The following ZFYVE9 variants were observed in gnomAD, a reference collection of about 807,000 sequenced individuals.
ZFYVE9 encodes zinc finger FYVE domain-containing protein 9.
ZFYVE9 carries 43 observed loss-of-function variants against 126.7 expected under a neutral mutation model. The ratio of observed to expected loss-of-function variants is 0.34; its 90% CI spans 0.27 to 0.44. The LOEUF (loss-of-function observed/expected upper bound fraction) is 0.44. Ranked by LOEUF, ZFYVE9 falls within the 20% of genes least tolerant of loss-of-function variation. The pLI, the probability that ZFYVE9 is intolerant of heterozygous loss-of-function variation, is 1.00. For missense variants in ZFYVE9, 1,476 were observed against 1,697.0 expected (o/e 0.87, Z 2.29); for synonymous variants, 521 against 597.4 (o/e 0.87, Z 1.87).
At chr1:52,270,156 G>A (rs1645675135) in intron 7 of ZFYVE9, among the ~76,000 whole-genome samples, 1 of 152,036 alleles carries the variant, frequency 6.6e-6, no homozygotes, top group African/African-American at 2.4e-5. Flanking sequence ...CCTAAGAAAA[G>A]TCATTTTCTT....
At chr1:52,216,084 T>A (rs1039628056) in intron 1 of ZFYVE9, among the ~76,000 whole-genome samples, 1 of 152,174 alleles carries the variant, frequency 6.6e-6, no homozygotes, top group East Asian at 1.9e-4. Flanking sequence ...TTAAAGTCAT[T>A]GGGTAGAAAG....
chr1:52,245,224 G>A (rs538217522), intron 4 of ZFYVE9, among the ~76,000 whole-genome samples: 4 of 151,256 alleles, frequency 2.6e-5, no homozygotes, highest in Admixed American at 2.0e-4. Flanking sequence ...TTTACTTATT[G>A]CTTGGTATTC....
chr1:52,181,218 G>A (rs1300780211), intron 1 of ZFYVE9, among the ~76,000 whole-genome samples: 1 of 152,166 alleles, frequency 6.6e-6, no homozygotes, highest in Non-Finnish European at 1.5e-5. Context: ...GAGTGCCTGC[G>A]ATTGCAGGCG....
chr1:52,219,398 G>A (rs757551958), intron 2 of ZFYVE9, among the ~76,000 whole-genome samples: 218 of 151,950 alleles, frequency 1.4e-3, no homozygotes, highest in Non-Finnish European at 2.2e-3. Flanking sequence ...CAATGGTTGC[G>A]GCCCCTTTTA....
intron 12 of ZFYVE9, among the ~76,000 whole-genome samples, chr1:52,296,577 T>C (rs796467038): frequency 3.3e-5 from 5 of 152,288 alleles, no homozygotes; most frequent in African/African-American, 1.2e-4. Context: ...TTGGTTGGCT[T>C]GAGTCCACTA....
Position 52,238,075 on chromosome 1 carries a change from A to C in ZFYVE9, c.658A>C (p.Lys220Gln). ...EKQMDPLNRP[K>Q]TEGRSVNHLC... ...ACAAATGGATCCATTGAATAGACCG[A>C]AAACAGAGGGGAGATCTGTTAACCA... The change falls in exon 4 of 19, where the codon AAA (lysine) becomes CAA (glutamine). Residue 220 changes from lysine to glutamine, a missense_variant. This residue lies in a region of ZFYVE9 where 807 missense variants were observed against 794.6 expected (regional missense o/e 1.02). Transcript: ENST00000287727. 2 of 1,614,082 alleles carry C rather than the reference A, an allele frequency of 1.2e-6. No individual in the cohort carries two copies. The highest frequency in any genetic ancestry group is 2.2e-5 in the South Asian group (2 of 91,084).
intron 2 of ZFYVE9, among the ~76,000 whole-genome samples, chr1:52,232,797 T>C (rs1234541017): frequency 6.7e-6 from 1 of 149,772 alleles, no homozygotes; most frequent in Non-Finnish European, 1.5e-5. Flanking sequence ...TTGGAACTAG[T>C]ATCCGTTACT....
At chr1:52,246,830 C>CA (rs1228139648) in intron 4 of ZFYVE9, among the ~76,000 whole-genome samples, 1 of 151,544 alleles carries the variant, frequency 6.6e-6, no homozygotes, top group Non-Finnish European at 1.5e-5. Flanking sequence ...GCCTCAGCCT[C>CA]CTAAGTAGCA....
intron 3 of ZFYVE9, 62 bp from the exon 4 acceptor site, chr1:52,237,426 C>A: frequency 1.5e-6 from 2 of 1,371,068 alleles, no homozygotes; most frequent in Non-Finnish European, 9.9e-7. Flanking sequence ...ATGTTATTAA[C>A]TTAGTCATAA....
chr1:52,161,691 C>G (rs1644461347), intron 1 of ZFYVE9, among the ~76,000 whole-genome samples: 1 of 152,108 alleles, frequency 6.6e-6, no homozygotes, highest in Admixed American at 6.6e-5. Context: ...AAATTCCATT[C>G]TTCAAAAGAA....
chr1:52,225,047 A>G (rs1387529603), intron 2 of ZFYVE9, among the ~76,000 whole-genome samples: 1 of 152,146 alleles, frequency 6.6e-6, no homozygotes, highest in Non-Finnish European at 1.5e-5. Flanking sequence ...TCCGGACTCC[A>G]CACTCGCTTC....
At chr1:52,203,339 C>T (rs190163607) in intron 1 of ZFYVE9, among the ~76,000 whole-genome samples, 15 of 151,846 alleles carry the variant, frequency 9.9e-5, no homozygotes, top group East Asian at 3.9e-4. Context: ...GCGCCACTAC[C>T]GTCCGGCTAA....
chr1:52,316,177 A>G lies in ZFYVE9; in HGVS notation c.3438+12252A>G, dbSNP rs562343673. 2.1e-3 allele frequency among the ~76,000 whole-genome samples: 307 copies of G among 148,698 alleles called. 5 individuals carry two copies. Among genetic ancestry groups the G allele is most frequent in the African/African-American group, 7.3e-3 (299 of 40,696 alleles). The stretch of plus-strand genomic sequence containing the variant: ...TGAAACTCCATCTCAAAAAAAAAAA[A>G]AAAAAAAAAAAAAGAAAAGAAACCA... On this transcript the variant is annotated intron_variant, in intron 13 of 18. Transcript: ENST00000287727.
At chr1:52,281,621 T>C (rs1176554436) in intron 9 of ZFYVE9, 40 bp from the exon 10 acceptor site, 4 of 1,607,144 alleles carry the variant, frequency 2.5e-6, no homozygotes, top group Non-Finnish European at 3.4e-6. Context: ...TAAGGATTGA[T>C]AGGAATGTCT....
intron 1 of ZFYVE9, among the ~76,000 whole-genome samples, chr1:52,185,625 C>T (rs534399562): frequency 1.3e-5 from 2 of 152,130 alleles, no homozygotes; most frequent in South Asian, 4.2e-4. Flanking sequence ...TGGTTAGATG[C>T]AGAAAAGGCT....
chr1:52,317,375 A>T (rs993075610), intron 13 of ZFYVE9, among the ~76,000 whole-genome samples: 9 of 151,836 alleles, frequency 5.9e-5, no homozygotes, highest in Admixed American at 2.6e-4. Flanking sequence ...CAAAAAAATT[A>T]TCCGGGCATG....
intron 1 of ZFYVE9, among the ~76,000 whole-genome samples, chr1:52,210,445 C>T (rs182361820): frequency 6.6e-4 from 101 of 152,232 alleles, no homozygotes; most frequent in African/African-American, 2.2e-3. Context: ...TATTGAGTGG[C>T]TACCATCAGT....
At chr1:52,150,029 G>C (rs1572056573) in intron 1 of ZFYVE9, 1 of 152,092 alleles carries the variant, frequency 6.6e-6, no homozygotes, top group Non-Finnish European at 1.5e-5. Context: ...TGAAGAAAGA[G>C]TAAATTGTAC....
intron 13 of ZFYVE9, among the ~76,000 whole-genome samples, chr1:52,318,370 A>ATGTGTG (rs59683935): frequency 0.021 from 3,081 of 144,338 alleles, 48 homozygotes; most frequent in African/African-American, 0.038. Flanking sequence ...GCATGATTGT[A>ATGTGTG]TGTGTGTGTG....
Sources: allele counts gnomAD v4.1 joint callset (sites outside exome capture counted in the v4.1 genomes callset), GRCh38; gene constraint gnomAD v4.1.1; regional missense constraint gnomAD v4.1.1; transcripts MANE v1.5; gene names NCBI Gene and HGNC (gene_info 2026-07-23, HGNC 2026-07-21).